SYNE2: variants seen among roughly 807,000 people sequenced by gnomAD.
SYNE2 encodes spectrin repeat containing nuclear envelope protein 2, also known as nesprin-2.
A neutral mutation model predicts 856.3 loss-of-function variants in SYNE2; 431 were observed. The ratio of observed to expected loss-of-function variants is 0.50; its 90% confidence interval spans 0.47 to 0.55. The LOEUF is 0.55. Ranked by LOEUF, SYNE2 falls within the 20% of genes least tolerant of loss-of-function variation. The pLI is 0.00. For missense variants in SYNE2, 8,129 were observed against 8,023.2 expected, an observed-to-expected ratio of 1.01 and a Z score of -0.50; for synonymous variants, 2,923 against 2,872.3, an observed-to-expected ratio of 1.02 and a Z score of -0.56.
intron 100 of SYNE2, 89 bp downstream of exon 100, chr14:64,203,052 A>C: frequency 6.6e-7 from 1 of 1,521,170 alleles, no homozygotes. Flanking sequence ...ATGTGTTTTC[A>C]CGTGCTCACA....
chr14:64,186,683 C>T, intron 97 of SYNE2, 104 bp downstream of exon 97: 1 of 1,502,638 alleles, frequency 6.7e-7, no homozygotes, highest in Non-Finnish European at 9.2e-7. Flanking sequence ...ACCGGAGGCC[C>T]TTTTCAGTGG....
chr14:63,837,647 G>A (rs66764453), intron 1 of SYNE2, among the ~76,000 whole-genome samples: 69,177 of 151,918 alleles, frequency 0.46, 16,656 homozygotes, highest in South Asian at 0.55. Context: ...AGATGCAGTG[G>A]CTCATGCCTG....
intron 93 of SYNE2, 99 bp downstream of exon 93, chr14:64,169,070 C>T: frequency 1.1e-6 from 1 of 885,572 alleles, no homozygotes; most frequent in Non-Finnish European, 1.9e-6. Flanking sequence ...CATGTTGGTG[C>T]CCTGTGCCCT....
intron 43 of SYNE2, among the ~76,000 whole-genome samples, chr14:64,028,659 A>C (rs575329089): frequency 6.6e-5 from 10 of 152,316 alleles, no homozygotes; most frequent in African/African-American, 1.4e-4. Flanking sequence ...ATATTCTCTC[A>C]TCAAAATTCC....
rs546117588 is a variant in SYNE2 at position 64,183,650 on chromosome 14, C to T, written c.17557-2774C>T. On this transcript the variant is annotated intron_variant, in intron 96 of 115. Transcript: ENST00000555002. The stretch of plus-strand genomic sequence containing the variant: ...CATTGAGCACTGAGTGAACGAGACT[C>T]CGTCTGCAATCCCGGCACCTCGGGA... 5.4e-3 allele frequency among the ~76,000 whole-genome samples: 817 copies of T among 152,334 alleles called. 6 individuals carry two copies. Among genetic ancestry groups the T allele is most frequent in the African/African-American group, 0.019 (779 of 41,590 alleles).
chr14:64,138,269 C>T (rs1161651830), intron 79 of SYNE2, among the ~76,000 whole-genome samples: 1 of 152,106 alleles, frequency 6.6e-6, no homozygotes, highest in Non-Finnish European at 1.5e-5. Flanking sequence ...GTCACCCAGG[C>T]TGGAGTGCAT....
At chr14:64,062,617 C>T in intron 49 of SYNE2, 134 bp from the exon 50 acceptor site, 1 of 824,280 alleles carries the variant, frequency 1.2e-6, no homozygotes, top group Admixed American at 2.3e-5. Context: ...TTTTAAAATG[C>T]ATTGCCTAGC....
chr14:64,209,004 T>C, intron 101 of SYNE2, 59 bp downstream of exon 101: 4 of 1,569,024 alleles, frequency 2.5e-6, no homozygotes, highest in Non-Finnish European at 3.5e-6. Flanking sequence ...AATACACCCT[T>C]CTGACCTCAT....
intron 63 of SYNE2, among the ~76,000 whole-genome samples, chr14:64,100,528 AAAAATAT>A (rs1458748349): frequency 9.4e-5 from 7 of 74,438 alleles, no homozygotes; most frequent in Middle Eastern, 5.3e-3. Context: ...AAAAAAAAAA[AAAAATAT>A]ATATATATAT....
At chr14:64,041,291 C>T (rs555425986) in intron 45 of SYNE2, among the ~76,000 whole-genome samples, 4 of 151,614 alleles carry the variant, frequency 2.6e-5, no homozygotes, top group Non-Finnish European at 5.9e-5. Context: ...TTAAACAGGC[C>T]CTAAAACCAC....
At chr14:64,154,837 C>A (rs531922939) in intron 85 of SYNE2, among the ~76,000 whole-genome samples, 2 of 150,220 alleles carry the variant, frequency 1.3e-5, no homozygotes, top group East Asian at 2.0e-4. Flanking sequence ...ATAAACATTT[C>A]TGTAAAGAAG....
intron 1 of SYNE2, among the ~76,000 whole-genome samples, chr14:63,897,694 C>G (rs1290330345): frequency 6.6e-6 from 1 of 152,194 alleles, no homozygotes; most frequent in African/African-American, 2.4e-5. Context: ...GCTGCCCTCA[C>G]AATCCTTGTA....
At chr14:64,127,949 C>T (rs982432955) in intron 73 of SYNE2, among the ~76,000 whole-genome samples, 4 of 152,172 alleles carry the variant, frequency 2.6e-5, no homozygotes, top group Non-Finnish European at 4.4e-5. Context: ...GTCAGGGATT[C>T]TGCAGGTTAA....
In SYNE2 at chr14:64,224,548, G is replaced by T. The variant is rs1192568536; in HGVS notation, c.20469+1G>T. 1 of 1,614,050 alleles carries T rather than the reference G, an allele frequency of 6.2e-7. No homozygotes were observed. The highest frequency in any genetic ancestry group is 1.1e-5 in the South Asian group (1 of 91,080). ...ATCCGTGCCAGCTCCCCGAGCAAAG[G>T]TAAGAAGCCCCTTCCTTCTGTGAGA... On this transcript the variant is annotated splice_donor_variant, in intron 114 of 115. Coordinates refer to ENST00000555002, the MANE Select transcript of SYNE2 (RefSeq NM_182914.3). LOFTEE classifies it high-confidence loss of function.
chr14:64,209,128 C>A, intron 101 of SYNE2, 183 bp downstream of exon 101: 1 of 912,562 alleles, frequency 1.1e-6, no homozygotes, highest in South Asian at 1.6e-5. Flanking sequence ...TAATGTCTCT[C>A]CCCAGCTGTC....
chr14:63,980,859 C>A, intron 15 of SYNE2, 127 bp downstream of exon 15: 1 of 1,077,704 alleles, frequency 9.3e-7, no homozygotes, highest in Non-Finnish European at 1.4e-6. Flanking sequence ...AAAATTCTTG[C>A]TTTCACTTTT....
At chr14:63,871,822 T>A (rs1418889760) in intron 1 of SYNE2, among the ~76,000 whole-genome samples, 1 of 152,046 alleles carries the variant, frequency 6.6e-6, no homozygotes. Flanking sequence ...ATATAGATAT[T>A]GTTTAAAAAT....
intron 37 of SYNE2, 142 bp from the exon 38 acceptor site, chr14:64,022,608 CT>C (rs2096943912): frequency 1.5e-6 from 1 of 680,988 alleles, no homozygotes; most frequent in Admixed American, 2.2e-5. Flanking sequence ...TTTATTAGCC[CT>C]CAAAATTGGG....
intron 45 of SYNE2, among the ~76,000 whole-genome samples, chr14:64,037,607 C>T (rs971738381): frequency 1.3e-5 from 2 of 151,844 alleles, no homozygotes; most frequent in East Asian, 1.9e-4. Flanking sequence ...TCCACAAAAC[C>T]GCCATTGTCA....
Sources: gnomAD v4.1 joint callset for allele counts (sites outside exome capture counted in the v4.1 genomes callset) on GRCh38, gnomAD v4.1.1 for gene constraint, MANE v1.5 for transcripts, NCBI Gene and HGNC (gene_info 2026-07-23, HGNC 2026-07-21) for gene names.